The following ROBO4 variants were observed in gnomAD, a reference collection of about 807,000 sequenced individuals.
The protein encoded by ROBO4 is roundabout guidance receptor 4.
Under a neutral mutation model 103.3 loss-of-function variants are expected in ROBO4, and 80 were observed. That is an observed-to-expected ratio of 0.77 (90% CI 0.65 to 0.93). ROBO4 has a LOEUF of 0.93. Among genes scored for constraint, ROBO4 ranks in the 40% least tolerant of loss-of-function variants. The pLI is 0.00. For synonymous variants in ROBO4, 504 were observed against 529.7 expected (o/e 0.95, Z 0.67); for missense variants, 1,333 against 1,305.3 (o/e 1.02, Z -0.33).
Position 124,897,059 on chromosome 11 carries a change from T to C in ROBO4, c.273A>G (p.Leu91=). The C allele has an allele frequency of 1.2e-6, 2 of 1,613,406 alleles. No individual in the cohort carries two copies. The highest frequency in any genetic ancestry group is 1.7e-6 in the Non-Finnish European group (2 of 1,179,644). Residue 91 remains leucine (L), a synonymous_variant, in exon 2 of 18, where the codon CTA becomes CTG. Coordinates refer to ENST00000306534, the MANE Select transcript of ROBO4 (RefSeq NM_019055.6). ...GGGCATGTCCCCGGGCAGGGGGCTG[T>C]AGCAGCAGAAGGGTCCCATCAGGCA... is the stretch of plus-strand genomic sequence containing the variant. ...HLLPDGTLLL[L]QPPARGHAHD...
In ROBO4 at chr11:124,896,520, CT is replaced by C. The variant is rs1429665036; in HGVS notation, c.550del (p.Arg184GlyfsTer10). On this transcript the variant is annotated frameshift_variant, in exon 3 of 18. Coordinates refer to ENST00000306534, the MANE Select transcript of ROBO4 (RefSeq NM_019055.6). LOFTEE classifies it high-confidence loss of function. ...DGKPLALQPGRHTVSGGSLLM... is the reference protein window; with the variant it reads ...DGKPLALQPGXHTVSGGSLLM... ...GGAGGGGGCCACACTTACTGTGTGC[CT>C]TCCGGGCTGGAGGGCCAGGGGTTTC... is the stretch of plus-strand genomic sequence containing the variant. The C allele has an allele frequency of 1.9e-6, 3 of 1,613,940 alleles. No individual in the cohort carries two copies. The highest frequency in any genetic ancestry group is 2.5e-6 in the Non-Finnish European group (3 of 1,179,942).
At chr11:124,893,776 T>G (rs777692485) in intron 9 of ROBO4, 46 bp from the exon 10 acceptor site, 1 of 1,609,966 alleles carries the variant, frequency 6.2e-7, no homozygotes, top group Admixed American at 1.7e-5. Context: ...CTGGATCACC[T>G]GGTCAGAGAT....
At chr11:124,895,352 G>A in intron 6 of ROBO4, 105 bp downstream of exon 6, 2 of 1,227,748 alleles carry the variant, frequency 1.6e-6, no homozygotes, top group South Asian at 2.7e-5. Flanking sequence ...CCCAGGGTAG[G>A]ACCCATAATC....
rs77066875 is a variant in ROBO4, at chr11:124,895,092, G to A, written c.1138C>T (p.Arg380Cys). The change falls in exon 7 of 18, where the codon CGT (arginine) becomes TGT (cysteine). Residue 380 changes from arginine to cysteine, a missense_variant. By Grantham distance (180) the Arg-to-Cys change is radical (BLOSUM62 -3). Transcript: ENST00000306534. The part of the protein sequence containing the change: ...PPAENHNGII[R>C]GYQVWSLGNT... ...GCTAGTGGGGGTACCTGGTAGCCAC[G>A]GATGATGCCATTGTGGTTTTCAGCA... 3.2e-3 allele frequency: 5,113 copies of A among 1,613,236 alleles called. 139 individuals carry two copies. The African/African-American group carries it at 0.058, about 18-fold the overall frequency.
At chr11:124,890,667 G>T (rs530634190) in intron 12 of ROBO4, among the ~76,000 whole-genome samples, 1 of 152,260 alleles carries the variant, frequency 6.6e-6, no homozygotes, top group East Asian at 1.9e-4. Flanking sequence ...CATAAGTAAA[G>T]CACCTAGTAT....
Position 124,883,958 on chromosome 11 carries a change from C to T in ROBO4, c.*933G>A, listed in dbSNP as rs1946672016. On this transcript the variant is annotated 3_prime_UTR_variant, in exon 18 of 18. Coordinates refer to ENST00000306534, the MANE Select transcript of ROBO4 (RefSeq NM_019055.6). Reference sequence around the variant, plus strand: ...TCCCACTTCCCTCAGCCATAAATATCCCTAAGGCTTATCTTGAGGAGGTGG... The same window carrying T: ...TCCCACTTCCCTCAGCCATAAATATTCCTAAGGCTTATCTTGAGGAGGTGG... The T allele has an allele frequency of 6.6e-6, 1 of 152,188 alleles. No individual in the cohort carries two copies. Among genetic ancestry groups the T allele is most frequent in the Non-Finnish European group, 1.5e-5 (1 of 68,054 alleles). 9.4% of individuals were successfully genotyped at this position (152,188 alleles called of 1,614,324 possible). A position where few individuals can be genotyped will look rare whatever the true frequency, so the allele number is the denominator to read the frequency against.
chr11:124,896,514 G>C lies in ROBO4; in HGVS notation c.557C>G (p.Thr186Arg), dbSNP rs149142621. Residue 186 changes from threonine to arginine, a missense_variant and splice_region_variant, in exon 3 of 18, where the codon ACA (threonine) becomes AGA (arginine). Thr to Arg is a moderately conservative substitution (Grantham distance 71). Coordinates refer to ENST00000306534, the MANE Select transcript of ROBO4 (RefSeq NM_019055.6). ...KPLALQPGRH[T>R]VSGGSLLMAR... ...TGTGGGGGAGGGGGCCACACTTACT[G>C]TGTGCCTTCCGGGCTGGAGGGCCAG... 3 of 1,613,716 alleles carry C rather than the reference G, an allele frequency of 1.9e-6. No homozygotes were observed. In the African/African-American group the frequency reaches 4.0e-5, roughly 22 times the overall value.
rs59946255 is a variant in ROBO4 at position 124,891,560 on chromosome 11, G to A, written c.1687C>T (p.Leu563Phe). The change falls in exon 12 of 18, where the codon CTC becomes TTC. Residue 563 changes from leucine (L) to phenylalanine (F), a missense_variant and splice_region_variant. By Grantham distance (22) the Leu-to-Phe change is conservative (BLOSUM62 0). Transcript: ENST00000306534. ...RDPLDCRRSL[L>F]SWDSRSPGVP... is the part of the protein sequence containing the mutation. ...CCGGGGCTTCGGGAGTCCCAGGAGA[G>A]CACTGTGACATAAATGACAGGAGGA... The A allele has an allele frequency of 3.9e-3, 6,250 of 1,614,198 alleles. 212 individuals are homozygous for A. The African/African-American group carries it at 0.072, about 19-fold the overall frequency.
chr11:124,884,835 T>C lies in ROBO4; in HGVS notation c.*56A>G. On this transcript the variant is annotated 3_prime_UTR_variant, in exon 18 of 18. Coordinates refer to ENST00000306534, the MANE Select transcript of ROBO4 (RefSeq NM_019055.6). The stretch of plus-strand genomic sequence containing the variant: ...CCCACACACCACAGCCCAGGTCTTG[T>C]GGGTGGACAGGAGAAGTGGTTCTGA... 8 of 1,604,280 alleles carry C rather than the reference T, an allele frequency of 5.0e-6. No individual in the cohort carries two copies. The highest frequency in any genetic ancestry group is 6.0e-6 in the Non-Finnish European group (7 of 1,171,084).
rs117072286 is a variant in ROBO4 at position 124,891,256 on chromosome 11, G to A, written c.1948+43C>T. On this transcript the variant is annotated intron_variant, in intron 12 of 17. Coordinates refer to ENST00000306534, the MANE Select transcript of ROBO4 (RefSeq NM_019055.6). ...CCATCACATTCCCATTCCTGGGCCC[G>A]CCTACCACCAGCTCAGTCTATGTCT... 4.4e-5 allele frequency: 65 copies of A among 1,493,704 alleles called. No homozygotes were observed. The African/African-American group carries it at 6.3e-4, about 14-fold the overall frequency. 92.5% of individuals were successfully genotyped at this position (1,493,704 alleles called of 1,614,324 possible).
intron 8 of ROBO4, 40 bp from the exon 9 acceptor site, chr11:124,894,085 G>T: frequency 6.5e-7 from 1 of 1,542,556 alleles, no homozygotes; most frequent in Non-Finnish European, 8.7e-7. Context: ...GGGAGTCGAG[G>T]CATTGAGGGC....
rs138244465 is a variant in ROBO4, at chr11:124,886,761, C to T, written c.2497G>A (p.Val833Ile). 3.7e-4 allele frequency: 577 copies of T among 1,569,182 alleles called. 2 individuals carry two copies. Among genetic ancestry groups the T allele is most frequent in the Non-Finnish European group, 2.2e-4 (254 of 1,154,740 alleles). ...TCCGTGAACTCTGAGGCTGTTGGGACGCTGATGTACCCATAGGTGGTGGGG... is the reference window on the plus strand; with the variant it reads ...TCCGTGAACTCTGAGGCTGTTGGGATGCTGATGTACCCATAGGTGGTGGGG... Reference protein sequence around the residue: ...SPPTTYGYISVPTASEFTDMG... With the variant: ...SPPTTYGYISIPTASEFTDMG... The change falls in exon 16 of 18, where the codon GTC (valine) becomes ATC (isoleucine). Residue 833 changes from valine (V) to isoleucine (I), a missense_variant. By Grantham distance (29) the Val-to-Ile change is conservative (BLOSUM62 3). Transcript: ENST00000306534.
In ROBO4 at chr11:124,886,977, C is replaced by A. The variant is rs1399003085; in HGVS notation, c.2435G>T (p.Arg812Met). The change falls in exon 15 of 18, where the codon AGG becomes ATG. Residue 812 changes from arginine (R) to methionine (M), a missense_variant and splice_region_variant. Arg to Met is a moderately conservative substitution (Grantham distance 91). Transcript: ENST00000306534. Reference protein sequence around the residue: ...LELSEGEETPRNSVSPMPRAP... With the variant: ...LELSEGEETPMNSVSPMPRAP... Reference sequence around the variant, plus strand: ...TTTGGTTATCTCTCAAGCTACTCACCTGGGAGTCTCCTCACCCTCACTGAG... The same window carrying A: ...TTTGGTTATCTCTCAAGCTACTCACATGGGAGTCTCCTCACCCTCACTGAG... 6.2e-7 allele frequency: 1 copy of A among 1,604,842 alleles called. No homozygotes were observed. Among genetic ancestry groups the A allele is most frequent in the Non-Finnish European group, 8.5e-7 (1 of 1,173,426 alleles).
At chr11:124,890,169 C>T (rs938567265) in intron 12 of ROBO4, among the ~76,000 whole-genome samples, 4 of 152,032 alleles carry the variant, frequency 2.6e-5, no homozygotes, top group Non-Finnish European at 5.9e-5. Context: ...GCTGGTGTTT[C>T]GTTACCACCA....
In ROBO4 at chr11:124,891,215, C is replaced by A. The variant is rs1296518722; in HGVS notation, c.1948+84G>T. On this transcript the variant is annotated intron_variant, in intron 12 of 17. Transcript: ENST00000306534. ...TGTGGAGGTTGCACGCCCCTCCAGGCTTTGAGGCCTTGTTCCCATCACATT... is the reference window on the plus strand; with the variant it reads ...TGTGGAGGTTGCACGCCCCTCCAGGATTTGAGGCCTTGTTCCCATCACATT... 8 of 1,458,984 alleles carry A rather than the reference C, an allele frequency of 5.5e-6. No homozygotes were observed. The African/African-American group carries it at 1.1e-4, about 21-fold the overall frequency. The allele number at this position is 1,458,984 out of a possible 1,614,324, so 90.4% of individuals were successfully genotyped here. A position where few individuals can be genotyped will look rare whatever the true frequency, so the allele number is the denominator to read the frequency against.
At chr11:124,891,894 G>A in intron 10 of ROBO4, 92 bp from the exon 11 acceptor site, 1 of 1,401,914 alleles carries the variant, frequency 7.1e-7, no homozygotes, top group Non-Finnish European at 9.9e-7. Context: ...GGCAGCAGAA[G>A]AGGGCAAGGA....
rs1260192257 is a variant in ROBO4, at chr11:124,885,055, A to G, written c.2987T>C (p.Met996Thr). Residue 996 changes from methionine to threonine, a missense_variant, in exon 17 of 18, where the codon ATG (methionine) becomes ACG (threonine). By Grantham distance (81) the Met-to-Thr change is moderately conservative. Transcript: ENST00000306534. ...SSQRSQLHCR[M>T]PKAGASPVDY... ...CAGACACTCACCACCAGCCTTGGGCATACGACAGTGGAGCTGACTTCTCTG... is the reference window on the plus strand; with the variant it reads ...CAGACACTCACCACCAGCCTTGGGCGTACGACAGTGGAGCTGACTTCTCTG... The G allele has an allele frequency of 5.0e-6, 8 of 1,614,196 alleles. No individual in the cohort carries two copies. The highest frequency in any genetic ancestry group is 4.0e-5 in the African/African-American group (3 of 75,066).
chr11:124,892,231 G>A (rs1245701071), intron 10 of ROBO4: 1 of 361,544 alleles, frequency 2.8e-6, no homozygotes, highest in African/African-American at 2.1e-5. Context: ...ACTCAAGACT[G>A]ATGGTCTGGG....
chr11:124,894,931 GC>G, intron 7 of ROBO4, 149 bp downstream of exon 7: 1 of 652,844 alleles, frequency 1.5e-6, no homozygotes, highest in Non-Finnish European at 2.7e-6. Flanking sequence ...GGGTCTGGAA[GC>G]CAGTGGGTCC....
Sources: gnomAD v4.1 joint callset for allele counts (sites outside exome capture counted in the v4.1 genomes callset) on GRCh38, gnomAD v4.1.1 for gene constraint, MANE v1.5 for transcripts, NCBI Gene and HGNC (gene_info 2026-07-23, HGNC 2026-07-21) for gene names.